Variants in FANCI observed in about 807,000 individuals in gnomAD.
FANCI encodes FA complementation group I, also known as Fanconi anemia group I protein.
A neutral mutation model predicts 176.1 loss-of-function variants in FANCI; 156 were observed. The observed-to-expected ratio is 0.89, with a 90% CI of 0.78 to 1.01. The LOEUF is 1.01. Among genes scored for constraint, FANCI ranks in the 50% least tolerant of loss-of-function variants. FANCI has a pLI of 0.00. For synonymous variants in FANCI, 613 were observed against 541.7 expected, an observed-to-expected ratio of 1.13 and a Z score of -1.83; for missense variants, 1,678 against 1,534.1, an observed-to-expected ratio of 1.09 and a Z score of -1.57.
At chr15:89,298,442 A>G (rs905657834) in intron 24 of FANCI, among the ~76,000 whole-genome samples, 3 of 152,330 alleles carry the variant, frequency 2.0e-5, no homozygotes, top group Non-Finnish European at 2.9e-5. Flanking sequence ...TAGAATGGAA[A>G]CAAACAGACA....
rs754183225 is a variant in FANCI, at chr15:89,303,853, C to G, written c.3007-11C>G. On this transcript the variant is annotated splice_polypyrimidine_tract_variant and intron_variant, in intron 27 of 37. Transcript: ENST00000310775. ...CATGTTTCTTTAATATCTGAATGAT[C>G]TCTAATTTAGTTTGTGCAGATGTTA... The G allele has an allele frequency of 1.7e-5, 27 of 1,612,590 alleles. No homozygotes were observed. The South Asian group carries it at 3.0e-4, about 18-fold the overall frequency.
chr15:89,312,754 G>C, intron 34 of FANCI, 150 bp from the exon 35 acceptor site: 2 of 651,240 alleles, frequency 3.1e-6, no homozygotes, highest in Non-Finnish European at 5.3e-6. Context: ...GGGGCGCAGA[G>C]GTTACAGTGG....
At chr15:89,283,438 T>A in intron 17 of FANCI, among the ~76,000 whole-genome samples, 188 bp downstream of exon 17, 1 of 152,198 alleles carries the variant, frequency 6.6e-6, no homozygotes, top group East Asian at 1.9e-4. Flanking sequence ...AATGGCAGAT[T>A]TACTGTATGC....
intron 27 of FANCI, among the ~76,000 whole-genome samples, chr15:89,303,101 C>CA (rs1567172393): frequency 3.3e-5 from 5 of 152,172 alleles, no homozygotes. Context: ...CCTCTTCACA[C>CA]AAAAACTTGT....
At position 89,293,833 on chromosome 15, in the gene FANCI, T is replaced by G. The variant is rs1176369966; in HGVS notation, c.2292T>G (p.Ser764Arg). ...IEYNFSISSF[S>R]KNRFEDILSL... Reference sequence around the variant, plus strand: ...GCGGTCTCTTTTTTGTTTTTTACAGTAAGAATAGGTTTGAGGACATTCTGA... The same window carrying G: ...GCGGTCTCTTTTTTGTTTTTTACAGGAAGAATAGGTTTGAGGACATTCTGA... Residue 764 changes from serine to arginine, a missense_variant and splice_region_variant, in exon 23 of 38, where the codon AGT becomes AGG. This residue lies in a region of FANCI where 1,204 missense variants were observed against 1,077.4 expected (regional missense o/e 1.12). Coordinates refer to ENST00000310775, the MANE Select transcript of FANCI (RefSeq NM_001113378.2). The G allele has an allele frequency of 6.2e-7, 1 of 1,613,640 alleles. No individual in the cohort carries two copies. Among genetic ancestry groups the G allele is most frequent in the Non-Finnish European group, 8.5e-7 (1 of 1,179,976 alleles).
chr15:89,292,486 A>G (rs528052204), intron 20 of FANCI, among the ~76,000 whole-genome samples: 36 of 152,260 alleles, frequency 2.4e-4, no homozygotes, highest in African/African-American at 8.2e-4. Context: ...ACTTAGGCCA[A>G]TTTTCGGGGG....
chr15:89,291,132 A>AT (rs907308305), intron 19 of FANCI, among the ~76,000 whole-genome samples: 5 of 151,956 alleles, frequency 3.3e-5, no homozygotes, highest in South Asian at 2.1e-4. Flanking sequence ...AATAACTCAT[A>AT]TTTTTTTTGG....
chr15:89,299,504 A>G (rs1322030816), intron 24 of FANCI, among the ~76,000 whole-genome samples: 1 of 152,230 alleles, frequency 6.6e-6, no homozygotes, highest in African/African-American at 2.4e-5. Context: ...AGGCAGACTC[A>G]GAAGGCTATA....
chr15:89,298,681 TC>T (rs1472759884), intron 24 of FANCI, among the ~76,000 whole-genome samples: 1 of 152,030 alleles, frequency 6.6e-6, no homozygotes, highest in Non-Finnish European at 1.5e-5. Context: ...TTTGAGAAGA[TC>T]AATAAATTTA....
rs562551509 is a variant in FANCI at position 89,316,224 on chromosome 15, G to C, written c.3925-173G>C. 73 of 683,568 alleles carry C rather than the reference G, an allele frequency of 1.1e-4. No individual in the cohort carries two copies. In the East Asian group the frequency reaches 2.0e-3, roughly 18 times the overall value. The allele number at this position is 683,568 out of a possible 1,614,324, so 42.3% of individuals were successfully genotyped here. A position where few individuals can be genotyped will look rare whatever the true frequency, so the allele number is the denominator to read the frequency against. On this transcript the variant is annotated intron_variant, in intron 37 of 37. Coordinates refer to ENST00000310775, the MANE Select transcript of FANCI (RefSeq NM_001113378.2). ...CTGTCTTATTACTCTACACTTTGGA[G>C]GACTCCTTCCTCTTCTTCAACAACA... is the stretch of plus-strand genomic sequence containing the variant.
At chr15:89,280,691 A>C (rs539294575) in intron 14 of FANCI, among the ~76,000 whole-genome samples, 9 of 152,138 alleles carry the variant, frequency 5.9e-5, no homozygotes, top group Admixed American at 5.2e-4. Flanking sequence ...GTTTGGAATT[A>C]ATAGATATTT....
intron 37 of FANCI, among the ~76,000 whole-genome samples, chr15:89,315,844 C>T (rs946781205): frequency 1.3e-5 from 2 of 152,212 alleles, no homozygotes; most frequent in African/African-American, 4.8e-5. Context: ...TAGCAAGTGA[C>T]AGTACCGCAT....
intron 1 of FANCI, among the ~76,000 whole-genome samples, chr15:89,245,582 A>T (rs1459889921): frequency 1.3e-5 from 2 of 151,906 alleles, no homozygotes; most frequent in Non-Finnish European, 2.9e-5. Flanking sequence ...GGGGCAGTGG[A>T]TGGAAGCAGG....
rs1389612257 is a variant in FANCI, at chr15:89,305,380, A to T, written c.3226A>T (p.Asn1076Tyr). 1 of 1,613,872 alleles carries T rather than the reference A, an allele frequency of 6.2e-7. No homozygotes were observed. Among genetic ancestry groups the T allele is most frequent in the Non-Finnish European group, 8.5e-7 (1 of 1,180,036 alleles). The stretch of plus-strand genomic sequence containing the variant: ...GAAAACAAACCACTTTGCAATAGTG[A>T]ATTTGAGAACGGCTGCCCCCACTGT... ...VEKTNHFAIV[N>Y]LRTAAPTVCL... is the part of the protein sequence containing the mutation. The change falls in exon 30 of 38, where the codon AAT becomes TAT. Residue 1076 changes from asparagine (N) to tyrosine (Y), a missense_variant. Physicochemically the swap from Asn to Tyr is moderately radical, Grantham distance 143 (BLOSUM62 -2). Transcript: ENST00000310775.
chr15:89,273,537 C>G (rs1296637081), intron 11 of FANCI, 68 bp downstream of exon 11: 2 of 786,302 alleles, frequency 2.5e-6, no homozygotes, highest in South Asian at 3.0e-5. Context: ...AAAAAAAAAT[C>G]ACAGTAATCT....
intron 6 of FANCI, 86 bp from the exon 7 acceptor site, chr15:89,263,333 G>T (rs1474974378): frequency 2.8e-6 from 3 of 1,058,812 alleles, no homozygotes; most frequent in Non-Finnish European, 1.5e-6. Context: ...ACTTGAATTG[G>T]CCCTGTTTTT....
At chr15:89,289,213 T>C (rs1008465253) in intron 18 of FANCI, among the ~76,000 whole-genome samples, 1 of 152,190 alleles carries the variant, frequency 6.6e-6, no homozygotes, top group African/African-American at 2.4e-5. Context: ...AGTGTCTTTT[T>C]ATTATTATTA....
In FANCI at chr15:89,273,310, TAAAAAAAA is replaced by T. The variant is rs59945953; in HGVS notation, c.883-58_883-51del. 2,645 of 597,636 alleles carry T rather than the reference TAAAAAAAA, an allele frequency of 4.4e-3. 33 individuals carry two copies. The highest frequency in any genetic ancestry group is 0.02 in the East Asian group (566 of 28,876). The allele number at this position is 597,636 out of a possible 1,614,324, so 37.0% of individuals were successfully genotyped here. On this transcript the variant is annotated intron_variant, in intron 10 of 37. Coordinates refer to ENST00000310775, the MANE Select transcript of FANCI (RefSeq NM_001113378.2). The stretch of plus-strand genomic sequence containing the variant: ...CAGAGAGACCCAATCTTTTTTTTTT[TAAAAAAAA>T]AAAAAAAAGAAAAAAGAAAATGTAA...
At chr15:89,264,305 A>G (rs2052846561) in intron 8 of FANCI, among the ~76,000 whole-genome samples, 1 of 152,222 alleles carries the variant, frequency 6.6e-6, no homozygotes, top group Non-Finnish European at 1.5e-5. Flanking sequence ...GATCTCAGAA[A>G]GGGTAGACTA....
Sources: gnomAD v4.1 joint callset for allele counts (sites outside exome capture counted in the v4.1 genomes callset) on GRCh38, gnomAD v4.1.1 for gene constraint, gnomAD v4.1.1 regional missense constraint, MANE v1.5 for transcripts, NCBI Gene and HGNC (gene_info 2026-07-23, HGNC 2026-07-21) for gene names.